ADGRL3: variants seen among roughly 807,000 people sequenced by gnomAD.
The protein encoded by ADGRL3 is adhesion G protein-coupled receptor L3, also known as calcium-independent alpha-latrotoxin receptor 3.
In ADGRL3, 62 loss-of-function variants were observed where a neutral mutation model predicts 153.5. The ratio of observed to expected loss-of-function variants is 0.40; its 90% CI spans 0.33 to 0.50. ADGRL3 has a LOEUF of 0.50. Ranked by LOEUF, ADGRL3 falls within the 20% of genes least tolerant of loss-of-function variation. The pLI is 0.47. For synonymous variants in ADGRL3, 710 were observed against 672.5 expected, an observed-to-expected ratio of 1.06 and a Z score of -0.86; for missense variants, 1,641 against 1,859.4, an observed-to-expected ratio of 0.88 and a Z score of 2.16.
At chr4:61,533,431 T>C (rs2098635682) in intron 4 of ADGRL3, among the ~76,000 whole-genome samples, 1 of 151,602 alleles carries the variant, frequency 6.6e-6, no homozygotes, top group African/African-American at 2.4e-5. Flanking sequence ...ATATATTTCC[T>C]GGGAAACTGG....
At chr4:61,500,242 T>G (rs2098372288) in intron 3 of ADGRL3, among the ~76,000 whole-genome samples, 1 of 152,180 alleles carries the variant, frequency 6.6e-6, no homozygotes, top group African/African-American at 2.4e-5. Flanking sequence ...CAAAACAATA[T>G]AGAAGCTTTT....
chr4:61,927,364 T>TA (rs145648218), intron 13 of ADGRL3, among the ~76,000 whole-genome samples: 7,497 of 150,182 alleles, frequency 0.05, 311 homozygotes, highest in East Asian at 0.19. Flanking sequence ...ATGCTTTTTT[T>TA]TAAAAAAAAA....
At chr4:61,480,901 A>T (rs1417623067) in intron 2 of ADGRL3, among the ~76,000 whole-genome samples, 1 of 152,214 alleles carries the variant, frequency 6.6e-6, no homozygotes, top group South Asian at 2.1e-4. Flanking sequence ...ACGGTGCTCA[A>T]CATCAGGGAA....
chr4:61,218,270 C>T (rs1743775365), intron 1 of ADGRL3, among the ~76,000 whole-genome samples: 1 of 151,648 alleles, frequency 6.6e-6, no homozygotes, highest in Non-Finnish European at 1.5e-5. Context: ...TATTTAGAAT[C>T]ATTAATCGTT....
chr4:61,442,496 G>C (rs1424115096), intron 2 of ADGRL3, among the ~76,000 whole-genome samples: 1 of 152,148 alleles, frequency 6.6e-6, no homozygotes, highest in Non-Finnish European at 1.5e-5. Flanking sequence ...GTGAAAAGCT[G>C]ATCAGGGAGA....
intron 2 of ADGRL3, among the ~76,000 whole-genome samples, chr4:61,403,916 T>C (rs2096961584): frequency 6.6e-6 from 1 of 152,192 alleles, no homozygotes; most frequent in South Asian, 2.1e-4. Flanking sequence ...AATAGTAGTA[T>C]AGTGAGAAAA....
chr4:61,489,032 T>C lies in ADGRL3; in HGVS notation c.-173-8089T>C, dbSNP rs561206184. On this transcript the variant is annotated intron_variant, in intron 2 of 26. Coordinates refer to ENST00000683033, the MANE Select transcript of ADGRL3 (RefSeq NM_001387552.1). ...TACCATTTATGACCCCACTTTTAAA[T>C]ATAAATCCTTCACTAAATGAGAACA... Among the ~76,000 whole-genome samples, 13 of 152,180 alleles carry C rather than the reference T, an allele frequency of 8.5e-5. No homozygotes were observed. In the South Asian group the frequency reaches 2.7e-3, roughly 32 times the overall value.
chr4:61,717,620 T>C (rs947651483), intron 6 of ADGRL3, among the ~76,000 whole-genome samples: 2 of 152,204 alleles, frequency 1.3e-5, no homozygotes, highest in African/African-American at 4.8e-5. Context: ...AAACATTCAA[T>C]AGTTGTTGGC....
intron 4 of ADGRL3, among the ~76,000 whole-genome samples, chr4:61,543,487 G>A (rs1007559523): frequency 3.3e-5 from 5 of 152,162 alleles, no homozygotes; most frequent in African/African-American, 9.7e-5. Context: ...ATTTTAGCCC[G>A]GAGAGAAGCA....
At chr4:61,546,429 A>G (rs931981757) in intron 4 of ADGRL3, among the ~76,000 whole-genome samples, 1 of 152,212 alleles carries the variant, frequency 6.6e-6, no homozygotes, top group African/African-American at 2.4e-5. Context: ...ATAATCTTAC[A>G]GTTAAATAGA....
At chr4:61,224,821 A>C (rs551450627) in intron 1 of ADGRL3, among the ~76,000 whole-genome samples, 60 of 152,324 alleles carry the variant, frequency 3.9e-4, no homozygotes, top group Admixed American at 2.0e-3. Flanking sequence ...TCACTGACTT[A>C]TCTGAGTGGA....
chr4:61,885,443 G>C (rs779338864), intron 9 of ADGRL3, among the ~76,000 whole-genome samples: 3 of 152,062 alleles, frequency 2.0e-5, no homozygotes, highest in African/African-American at 7.2e-5. Flanking sequence ...GAATCTCTTC[G>C]AGACTCAGTT....
intron 9 of ADGRL3, among the ~76,000 whole-genome samples, chr4:61,829,048 A>G (rs902239069): frequency 2.0e-5 from 3 of 152,348 alleles, no homozygotes; most frequent in East Asian, 3.9e-4. Context: ...AAGCTGCTAC[A>G]TTAATAAACA....
intron 5 of ADGRL3, among the ~76,000 whole-genome samples, chr4:61,639,389 A>C (rs1252458735): frequency 6.6e-6 from 1 of 152,134 alleles, no homozygotes; most frequent in Non-Finnish European, 1.5e-5. Context: ...ATCATATACA[A>C]AATTTGAAAA....
chr4:61,869,530 G>A (rs1363917520), intron 9 of ADGRL3, among the ~76,000 whole-genome samples: 7 of 151,892 alleles, frequency 4.6e-5, no homozygotes, highest in African/African-American at 1.2e-4. Context: ...CCCGGGAAGC[G>A]GAGCTTGCAG....
rs553999940 is a variant in ADGRL3 at position 61,396,637 on chromosome 4, A to G, written c.-174+13448A>G. ...ATGATGAGTAACCAACACAATTTTG[A>G]CTTTCCCAATCACTACCTTTTCTGT... On this transcript the variant is annotated intron_variant, in intron 2 of 26. Transcript: ENST00000683033. Among the ~76,000 whole-genome samples, 274 of 152,012 alleles carry G rather than the reference A, an allele frequency of 1.8e-3. 2 individuals carry two copies. Among genetic ancestry groups the G allele is most frequent in the African/African-American group, 6.4e-3 (265 of 41,518 alleles).
At position 61,395,296 on chromosome 4, in the gene ADGRL3, G is replaced by A. The variant is rs181618995; in HGVS notation, c.-174+12107G>A. 7.5e-4 allele frequency among the ~76,000 whole-genome samples: 114 copies of A among 152,004 alleles called. 1 individual carries two copies. The highest frequency in any genetic ancestry group is 2.6e-3 in the African/African-American group (106 of 41,526). ...AGTAATTCCCTATGATAACACCTTT[G>A]AAAAGAATTGCTAATAGGACAAGGA... On this transcript the variant is annotated intron_variant, in intron 2 of 26. Coordinates refer to ENST00000683033, the MANE Select transcript of ADGRL3 (RefSeq NM_001387552.1).
chr4:61,405,690 G>A (rs2096985972), intron 2 of ADGRL3, among the ~76,000 whole-genome samples: 1 of 151,808 alleles, frequency 6.6e-6, no homozygotes, highest in Non-Finnish European at 1.5e-5. Flanking sequence ...AATAGAATTT[G>A]GAATCACAGA....
At chr4:61,303,748 T>C (rs185074639) in intron 1 of ADGRL3, among the ~76,000 whole-genome samples, 54 of 152,260 alleles carry the variant, frequency 3.5e-4, no homozygotes, top group Non-Finnish European at 1.2e-4. Flanking sequence ...TCTCAAACAT[T>C]AGTGGTGAAT....
Sources: allele counts gnomAD v4.1 joint callset (sites outside exome capture counted in the v4.1 genomes callset), GRCh38; gene constraint gnomAD v4.1.1; transcripts MANE v1.5; gene names NCBI Gene and HGNC (gene_info 2026-07-23, HGNC 2026-07-21).